The following CSGALNACT1 variants were observed in gnomAD, a reference collection of about 807,000 sequenced individuals.
The protein encoded by CSGALNACT1 is chondroitin sulfate N-acetylgalactosaminyltransferase 1, also known as beta4GalNAcT-1.
A neutral mutation model predicts 51.0 loss-of-function variants in CSGALNACT1; 52 were observed. The ratio of observed to expected loss-of-function variants is 1.02; its 90% CI spans 0.82 to 1.29. The LOEUF is 1.29. Ranked by LOEUF, CSGALNACT1 falls within the 50% of genes most tolerant of loss-of-function variation. The pLI, the probability that CSGALNACT1 is intolerant of heterozygous loss-of-function variation, is 0.00. For missense variants in CSGALNACT1, 935 were observed against 679.2 expected (o/e 1.38, Z -4.19); for synonymous variants, 341 against 254.4 (o/e 1.34, Z -3.24).
intron 1 of CSGALNACT1, among the ~76,000 whole-genome samples, chr8:19,717,636 C>T (rs903885671): frequency 2.0e-5 from 3 of 152,200 alleles, no homozygotes; most frequent in African/African-American, 4.8e-5. Context: ...AGCTAATACG[C>T]CCTATTCGGG....
intron 4 of CSGALNACT1, among the ~76,000 whole-genome samples, chr8:19,471,480 A>C (rs764772217): frequency 6.6e-6 from 1 of 152,070 alleles, no homozygotes; most frequent in Non-Finnish European, 1.5e-5. Flanking sequence ...AGCCTTTTAA[A>C]ATGAACTTCC....
exon 10 of CSGALNACT1, chr8:19,404,484 G>T (rs1334742035): frequency 2.2e-6 from 1 of 453,696 alleles, no homozygotes; most frequent in Non-Finnish European, 4.4e-6. Context: ...GAAGCATCTT[G>T]GTGATCGAGT....
intron 4 of CSGALNACT1, among the ~76,000 whole-genome samples, chr8:19,493,621 C>A (rs555713043): frequency 1.3e-5 from 2 of 152,288 alleles, no homozygotes; most frequent in East Asian, 3.9e-4. Context: ...TGGTTTTTAA[C>A]TTGATGTAAT....
At chr8:19,407,187 A>AT (rs34176912) in intron 9 of CSGALNACT1, among the ~76,000 whole-genome samples, 102 of 150,598 alleles carry the variant, frequency 6.8e-4, no homozygotes, top group African/African-American at 1.6e-3. Flanking sequence ...TGACTTCAAC[A>AT]TTTTTTTTTT....
At chr8:19,639,318 A>G (rs1179045221) in intron 1 of CSGALNACT1, among the ~76,000 whole-genome samples, 7 of 152,222 alleles carry the variant, frequency 4.6e-5, no homozygotes, top group Admixed American at 4.6e-4. Flanking sequence ...ACATGTCTAC[A>G]TCATGGGGTC....
At chr8:19,580,626 A>T (rs1455249353) in intron 3 of CSGALNACT1, among the ~76,000 whole-genome samples, 1 of 152,244 alleles carries the variant, frequency 6.6e-6, no homozygotes, top group Admixed American at 6.5e-5. Context: ...CACATACAGT[A>T]TCAGGCACTT....
chr8:19,517,262 G>A (rs2079737862), intron 3 of CSGALNACT1, among the ~76,000 whole-genome samples: 2 of 152,114 alleles, frequency 1.3e-5, no homozygotes, highest in Admixed American at 6.5e-5. Context: ...CCAACATGGA[G>A]AAAAACCATC....
intron 4 of CSGALNACT1, among the ~76,000 whole-genome samples, chr8:19,485,514 G>A (rs1007498980): frequency 2.0e-5 from 3 of 152,012 alleles, no homozygotes; most frequent in African/African-American, 7.3e-5. Flanking sequence ...CCCTGTTGAT[G>A]TTAACAGCTC....
At chr8:19,549,148 T>G (rs1433885505) in intron 3 of CSGALNACT1, among the ~76,000 whole-genome samples, 1 of 151,940 alleles carries the variant, frequency 6.6e-6, no homozygotes, top group East Asian at 1.9e-4. Flanking sequence ...TAGCAATTGG[T>G]ATCCCAGTGT....
intron 4 of CSGALNACT1, among the ~76,000 whole-genome samples, chr8:19,484,939 G>A (rs2072478519): frequency 6.6e-6 from 1 of 152,058 alleles, no homozygotes; most frequent in African/African-American, 2.4e-5. Flanking sequence ...ACAGTGAGAG[G>A]GGGTGGTCCT....
In CSGALNACT1 at chr8:19,461,789, A is replaced by G. The variant is rs1017960331; in HGVS notation, c.635-3147T>C. 1.7e-3 allele frequency among the ~76,000 whole-genome samples: 90 copies of G among 54,530 alleles called. 13 individuals carry two copies. Among genetic ancestry groups the G allele is most frequent in the East Asian group, 0.01 (4 of 398 alleles). The allele number at this position is 54,530 out of a possible 152,430, so 35.8% of individuals were successfully genotyped here. A position where few individuals can be genotyped will look rare whatever the true frequency, so the allele number is the denominator to read the frequency against. ...GCGTATCTGCACAGCAGCCACATTC[A>G]CCATGGAGGGCGTATCCCCACAGCA... is the stretch of plus-strand genomic sequence containing the variant. On this transcript the variant is annotated intron_variant, in intron 4 of 9. Coordinates refer to ENST00000454498, the Ensembl canonical transcript of CSGALNACT1.
intron 3 of CSGALNACT1, among the ~76,000 whole-genome samples, chr8:19,570,953 A>T (rs2042899772): frequency 6.6e-6 from 1 of 152,044 alleles, no homozygotes; most frequent in Non-Finnish European, 1.5e-5. Flanking sequence ...CAACAACAAC[A>T]AAACGTACAG....
At chr8:19,645,005 T>G (rs1651161282) in intron 1 of CSGALNACT1, among the ~76,000 whole-genome samples, 1 of 152,156 alleles carries the variant, frequency 6.6e-6, no homozygotes, top group Non-Finnish European at 1.5e-5. Context: ...AATCCAGTTT[T>G]GATAAAAATG....
chr8:19,675,303 T>C (rs2060096069), intron 1 of CSGALNACT1, among the ~76,000 whole-genome samples: 1 of 152,182 alleles, frequency 6.6e-6, no homozygotes, highest in Admixed American at 6.5e-5. Flanking sequence ...AGGGTTAATT[T>C]CCTTCCCCCA....
intron 6 of CSGALNACT1, among the ~76,000 whole-genome samples, chr8:19,430,720 A>G (rs567246469): frequency 9.2e-5 from 14 of 152,296 alleles, no homozygotes; most frequent in African/African-American, 2.2e-4. Flanking sequence ...CAGCTTGTCC[A>G]TATCTACAAG....
chr8:19,756,954 C>T (rs2065431289), intron 1 of CSGALNACT1, among the ~76,000 whole-genome samples: 1 of 149,954 alleles, frequency 6.7e-6, no homozygotes, highest in Non-Finnish European at 1.5e-5. Flanking sequence ...GGCGCCGCGC[C>T]CTCCGCCTGC....
chr8:19,676,901 G>T (rs980361226), intron 1 of CSGALNACT1, among the ~76,000 whole-genome samples: 11 of 152,140 alleles, frequency 7.2e-5, no homozygotes, highest in African/African-American at 2.7e-4. Flanking sequence ...GATAAATGAA[G>T]CCCGATTAGA....
At chr8:19,418,905 G>A (rs1408143961) in intron 7 of CSGALNACT1, among the ~76,000 whole-genome samples, 155 bp from the exon 7 acceptor site, 1 of 152,036 alleles carries the variant, frequency 6.6e-6, no homozygotes, top group Non-Finnish European at 1.5e-5. Context: ...GCAATAGAGT[G>A]GCACAATCTT....
At chr8:19,535,315 A>C (rs2083529644) in intron 3 of CSGALNACT1, among the ~76,000 whole-genome samples, 1 of 152,218 alleles carries the variant, frequency 6.6e-6, no homozygotes, top group African/African-American at 2.4e-5. Flanking sequence ...TTCATCATCC[A>C]AGATGTCCCT....
Sources: allele counts gnomAD v4.1 joint callset (sites outside exome capture counted in the v4.1 genomes callset), GRCh38; gene constraint gnomAD v4.1.1; transcripts MANE v1.5; gene names NCBI Gene and HGNC (gene_info 2026-07-23, HGNC 2026-07-21).